Variants in CNTNAP5 observed in about 807,000 individuals in gnomAD.
CNTNAP5 encodes the protein contactin associated protein family member 5, also known as contactin-associated protein-like 5.
A neutral mutation model predicts 150.2 loss-of-function variants in CNTNAP5; 72 were observed. The ratio of observed to expected loss-of-function variants is 0.48; its 90% CI spans 0.40 to 0.58. The LOEUF (loss-of-function observed/expected upper bound fraction) is 0.58. CNTNAP5 is among the 20% of genes least tolerant of loss of function. The pLI is 0.00. For synonymous variants in CNTNAP5, 672 were observed against 619.8 expected (o/e 1.08, Z -1.25); for missense variants, 1,636 against 1,626.2 (o/e 1.01, Z -0.10).
intron 19 of CNTNAP5, among the ~76,000 whole-genome samples, chr2:124,812,596 C>T (rs1682261086): frequency 6.6e-6 from 1 of 152,184 alleles, no homozygotes; most frequent in Non-Finnish European, 1.5e-5. Flanking sequence ...GAGGCTTCAT[C>T]TGCATGATAA....
chr2:124,400,782 A>G (rs1249947279), intron 3 of CNTNAP5, among the ~76,000 whole-genome samples: 2 of 149,392 alleles, frequency 1.3e-5, no homozygotes, highest in Admixed American at 6.7e-5. Flanking sequence ...GAGCTGCCAT[A>G]CATGTTGGTG....
intron 13 of CNTNAP5, among the ~76,000 whole-genome samples, chr2:124,663,201 G>A (rs1357979095): frequency 6.6e-6 from 1 of 152,130 alleles, no homozygotes; most frequent in Admixed American, 6.5e-5. Flanking sequence ...GTTAAATCCC[G>A]CTGCATGGAA....
chr2:124,438,502 A>G (rs1171540708), intron 5 of CNTNAP5, among the ~76,000 whole-genome samples: 3 of 152,150 alleles, frequency 2.0e-5, no homozygotes, highest in East Asian at 1.9e-4. Flanking sequence ...GCAATCCCCA[A>G]TACATACAGC....
At position 124,524,345 on chromosome 2, in the gene CNTNAP5, A is replaced by G. The variant is rs1694916708; in HGVS notation, c.1370A>G (p.Asn457Ser). 2 of 1,613,852 alleles carry G rather than the reference A, an allele frequency of 1.2e-6. No homozygotes were observed. The highest frequency in any genetic ancestry group is 1.3e-5 in the African/African-American group (1 of 75,024). The change falls in exon 9 of 24, where the codon AAC becomes AGC. Residue 457 changes from asparagine to serine, a missense_variant. Coordinates refer to ENST00000682447, the MANE Select transcript of CNTNAP5 (RefSeq NM_001367498.1). ...GGCCTGTGGCACTCGGTTAGCATCA[A>G]CGCCAGGAGGAACCGCATCACGCTC... ...NDGLWHSVSI[N>S]ARRNRITLTL...
intron 21 of CNTNAP5, among the ~76,000 whole-genome samples, chr2:124,894,155 A>G (rs1338700530): frequency 6.6e-6 from 1 of 151,898 alleles, no homozygotes; most frequent in East Asian, 1.9e-4. Context: ...CTTGTTTTAG[A>G]AAGACTTTTA....
Position 124,772,968 on chromosome 2 carries a change from G to T in CNTNAP5, c.2703G>T (p.Thr901=). 3.1e-6 allele frequency: 5 copies of T among 1,613,606 alleles called. No homozygotes were observed. The highest frequency in any genetic ancestry group is 4.2e-6 in the Non-Finnish European group (5 of 1,179,712). ...VDNLPRSTRE[T]SEEGHFRLQL... ...ACCTTCCAAGGAGCACCAGGGAGAC[G>T]TCGGAGGAGGGCCATTTTCGACTGC... is the stretch of plus-strand genomic sequence containing the variant. Residue 901 remains threonine, a synonymous_variant, in exon 17 of 24, where the codon ACG becomes ACT. Coordinates refer to ENST00000682447, the MANE Select transcript of CNTNAP5 (RefSeq NM_001367498.1).
intron 3 of CNTNAP5, among the ~76,000 whole-genome samples, chr2:124,276,652 G>A (rs925594590): frequency 6.6e-6 from 1 of 152,080 alleles, no homozygotes; most frequent in African/African-American, 2.4e-5. Flanking sequence ...CTAAACATGT[G>A]ACAGGGCCTT....
intron 1 of CNTNAP5, among the ~76,000 whole-genome samples, chr2:124,040,302 G>C (rs916098129): frequency 2.0e-5 from 3 of 152,076 alleles, no homozygotes; most frequent in Non-Finnish European, 4.4e-5. Flanking sequence ...CGTGATATTT[G>C]ATCATATGGA....
intron 8 of CNTNAP5, among the ~76,000 whole-genome samples, chr2:124,519,435 G>C (rs1174024352): frequency 6.6e-6 from 1 of 152,186 alleles, no homozygotes; most frequent in Non-Finnish European, 1.5e-5. Context: ...AGAGCTTTTT[G>C]GTCATCAAAG....
At chr2:124,439,496 A>G (rs1296912636) in intron 5 of CNTNAP5, among the ~76,000 whole-genome samples, 1 of 152,222 alleles carries the variant, frequency 6.6e-6, no homozygotes, top group East Asian at 1.9e-4. Context: ...TAGCAAAGTC[A>G]CAGAAGACGG....
chr2:124,594,127 G>A (rs1696765997), intron 11 of CNTNAP5, among the ~76,000 whole-genome samples: 1 of 129,220 alleles, frequency 7.7e-6, no homozygotes, highest in Admixed American at 8.5e-5. Flanking sequence ...CTGTGCAGAA[G>A]CTCTTTAGTT....
chr2:124,391,932 G>A (rs2104749283), intron 3 of CNTNAP5, among the ~76,000 whole-genome samples: 1 of 149,244 alleles, frequency 6.7e-6, no homozygotes, highest in Non-Finnish European at 1.5e-5. Flanking sequence ...CTCCAGCCTG[G>A]GTGACAGAGC....
chr2:124,377,533 G>C (rs1313718787), intron 3 of CNTNAP5, among the ~76,000 whole-genome samples: 2 of 151,886 alleles, frequency 1.3e-5, no homozygotes. Context: ...AAATTAGCCA[G>C]TCGTGGTGGC....
intron 3 of CNTNAP5, among the ~76,000 whole-genome samples, chr2:124,315,823 G>A (rs1030616072): frequency 6.6e-6 from 1 of 151,820 alleles, no homozygotes; most frequent in Non-Finnish European, 1.5e-5. Flanking sequence ...AGGAATTTAG[G>A]TATATAGTCT....
At chr2:124,542,202 C>G (rs1203324046) in intron 10 of CNTNAP5, among the ~76,000 whole-genome samples, 1 of 151,090 alleles carries the variant, frequency 6.6e-6, no homozygotes, top group Non-Finnish European at 1.5e-5. Context: ...TTGCAGTCTT[C>G]TGGCCTCACC....
chr2:124,482,255 G>A (rs958196779), intron 7 of CNTNAP5, among the ~76,000 whole-genome samples: 3 of 152,178 alleles, frequency 2.0e-5, no homozygotes, highest in African/African-American at 4.8e-5. Flanking sequence ...TCAGTGGAGG[G>A]TTGACTGATG....
chr2:124,461,071 T>C (rs1189921933), intron 6 of CNTNAP5, among the ~76,000 whole-genome samples: 2 of 152,094 alleles, frequency 1.3e-5, no homozygotes. Context: ...ACTTTTACAC[T>C]GTTGGTGGGA....
At chr2:124,388,727 C>T (rs573915392) in intron 3 of CNTNAP5, among the ~76,000 whole-genome samples, 1 of 152,180 alleles carries the variant, frequency 6.6e-6, no homozygotes, top group African/African-American at 2.4e-5. Context: ...TGGAGTCCTG[C>T]TCTGTCGCCC....
intron 3 of CNTNAP5, among the ~76,000 whole-genome samples, chr2:124,353,762 A>T (rs905355365): frequency 6.6e-6 from 1 of 152,230 alleles, no homozygotes; most frequent in Non-Finnish European, 1.5e-5. Context: ...TACAACAGTT[A>T]AAAGTGTAGA....
Sources: gnomAD v4.1 joint callset for allele counts (sites outside exome capture counted in the v4.1 genomes callset) on GRCh38, gnomAD v4.1.1 for gene constraint, MANE v1.5 for transcripts, NCBI Gene and HGNC (gene_info 2026-07-23, HGNC 2026-07-21) for gene names.